Variants in LIPA observed in about 807,000 individuals in gnomAD.
LIPA encodes the protein lipase A, lysosomal acid type.
LIPA carries 26 observed loss-of-function variants against 40.6 expected under a neutral mutation model. The ratio of observed to expected loss-of-function variants is 0.64; its 90% CI spans 0.47 to 0.89. The LOEUF (loss-of-function observed/expected upper bound fraction) is 0.89, where lower values mean the gene tolerates loss of function less well. Ranked by LOEUF, LIPA falls within the 40% of genes least tolerant of loss-of-function variation. The pLI, the probability that LIPA is intolerant of heterozygous loss-of-function variation, is 0.00. For missense variants in LIPA, 455 were observed against 479.6 expected (o/e 0.95, Z 0.48); for synonymous variants, 188 against 168.4 (o/e 1.12, Z -0.90).
At chr10:89,228,664 T>C (rs762563082) in intron 3 of LIPA, among the ~76,000 whole-genome samples, 5 of 152,228 alleles carry the variant, frequency 3.3e-5, no homozygotes, top group African/African-American at 7.2e-5. Context: ...CAAAAATCAA[T>C]ATATTTTTAA....
chr10:89,246,080 G>A (rs1843021192), intron 2 of LIPA, among the ~76,000 whole-genome samples: 1 of 152,018 alleles, frequency 6.6e-6, no homozygotes, highest in Non-Finnish European at 1.5e-5. Context: ...GGGCCTCTTT[G>A]TTTCCATCCT....
intron 2 of LIPA, among the ~76,000 whole-genome samples, chr10:89,380,034 C>CAA (rs750085635): frequency 8.8e-5 from 7 of 79,478 alleles, no homozygotes; most frequent in African/African-American, 1.4e-4. Flanking sequence ...GACTCCGTCT[C>CAA]AAAAAAAAAA....
At chr10:89,306,581 C>T (rs201969228) in intron 1 of LIPA, 2 of 1,614,088 alleles carry the variant, frequency 1.2e-6, no homozygotes, top group Admixed American at 1.7e-5. Context: ...TCCTGACAAC[C>T]AGTACCTTAA....
intron 2 of LIPA, among the ~76,000 whole-genome samples, chr10:89,396,980 G>A (rs1844353224): frequency 6.6e-6 from 1 of 152,070 alleles, no homozygotes; most frequent in Non-Finnish European, 1.5e-5. Flanking sequence ...CTCCATACAT[G>A]AGTAATCACA....
chr10:89,398,342 T>TA, intron 2 of LIPA, among the ~76,000 whole-genome samples: 1 of 152,314 alleles, frequency 6.6e-6, no homozygotes, highest in East Asian at 1.9e-4. Context: ...AGGGGAACAA[T>TA]AAATGTTAAT....
chr10:89,274,691 A>G (rs551690748), intron 1 of LIPA, among the ~76,000 whole-genome samples: 151 of 152,266 alleles, frequency 9.9e-4, no homozygotes, highest in African/African-American at 3.4e-3. Flanking sequence ...ATTTTCCCTA[A>G]TCCTTGAACA....
chr10:89,240,397 T>C (rs760735501), intron 3 of LIPA, among the ~76,000 whole-genome samples: 17 of 152,172 alleles, frequency 1.1e-4, no homozygotes, highest in Admixed American at 3.9e-4. Context: ...TAAGCTATGA[T>C]TGTACCACTG....
rs184451505 is a variant in LIPA at position 89,400,644 on chromosome 10, A to C, written c.61+12147T>G. 2.6e-5 allele frequency among the ~76,000 whole-genome samples: 4 copies of C among 152,316 alleles called. No homozygotes were observed. In the East Asian group the frequency reaches 5.8e-4, roughly 22 times the overall value. ...GATTTTGTATCCTGCAATTTTGCTGAATGTATTTGTTAATGTGTAGAATCC... is the reference window on the plus strand; with the variant it reads ...GATTTTGTATCCTGCAATTTTGCTGCATGTATTTGTTAATGTGTAGAATCC... On this transcript the variant is annotated intron_variant, in intron 2 of 8. Coordinates refer to the LIPA transcript ENST00000371837.
At chr10:89,306,832 G>T in intron 1 of LIPA, 1 of 1,614,038 alleles carries the variant, frequency 6.2e-7, no homozygotes, top group South Asian at 1.1e-5. Flanking sequence ...GCTGCTATAG[G>T]GCAAAAGTCT....
At chr10:89,227,733 G>A (rs1407109051) in intron 4 of LIPA, among the ~76,000 whole-genome samples, 1 of 152,188 alleles carries the variant, frequency 6.6e-6, no homozygotes, top group Non-Finnish European at 1.5e-5. Context: ...GACCTTATGA[G>A]GTAGGTGTTT....
intron 2 of LIPA, among the ~76,000 whole-genome samples, chr10:89,395,838 A>G (rs1217676262): frequency 6.6e-6 from 1 of 152,114 alleles, no homozygotes; most frequent in Admixed American, 6.5e-5. Flanking sequence ...AAAATACAAC[A>G]GTGACCTTTT....
At chr10:89,407,050 C>T (rs1161928264) in intron 2 of LIPA, among the ~76,000 whole-genome samples, 2 of 152,112 alleles carry the variant, frequency 1.3e-5, no homozygotes, top group African/African-American at 4.8e-5. Flanking sequence ...TAACAACCCC[C>T]AACTCTTTGG....
chr10:89,221,831 T>G (rs1024100912), intron 8 of LIPA, among the ~76,000 whole-genome samples: 10 of 152,242 alleles, frequency 6.6e-5, no homozygotes, highest in African/African-American at 2.2e-4. Context: ...AGGTATAGAA[T>G]AGAATGCAGA....
intron 2 of LIPA, chr10:89,392,644 A>T: frequency 6.4e-7 from 1 of 1,566,658 alleles, no homozygotes; most frequent in Non-Finnish European, 8.8e-7. Flanking sequence ...CACAAGACAG[A>T]ATAGCCAGAT....
At chr10:89,384,633 C>A in intron 2 of LIPA, 1 of 1,614,184 alleles carries the variant, frequency 6.2e-7, no homozygotes, top group Non-Finnish European at 8.5e-7. Flanking sequence ...TGGAAAGTGT[C>A]AGCCTCCTTG....
At chr10:89,234,057 T>C (rs114211277) in intron 3 of LIPA, among the ~76,000 whole-genome samples, 1 of 152,116 alleles carries the variant, frequency 6.6e-6, no homozygotes, top group Non-Finnish European at 1.5e-5. Flanking sequence ...ACTCAGGAAG[T>C]CCCAGAAGAA....
intron 1 of LIPA, chr10:89,283,885 C>G (rs1371629250): frequency 6.6e-6 from 1 of 152,204 alleles, no homozygotes; most frequent in African/African-American, 2.4e-5. Flanking sequence ...CAGCCTGCGA[C>G]CATGAGGTAA....
At chr10:89,297,189 T>C (rs1589592563) in intron 1 of LIPA, among the ~76,000 whole-genome samples, 1 of 152,040 alleles carries the variant, frequency 6.6e-6, no homozygotes, top group African/African-American at 2.4e-5. Context: ...CAGGGAAAGG[T>C]CAAATGAGAG....
At chr10:89,295,473 T>C (rs918063765) in intron 1 of LIPA, among the ~76,000 whole-genome samples, 7 of 152,222 alleles carry the variant, frequency 4.6e-5, no homozygotes, top group African/African-American at 1.7e-4. Context: ...TTAGCATCCA[T>C]TATAATTATC....
Sources: gnomAD v4.1 joint callset for allele counts (sites outside exome capture counted in the v4.1 genomes callset) on GRCh38, gnomAD v4.1.1 for gene constraint, MANE v1.5 for transcripts, NCBI Gene and HGNC (gene_info 2026-07-23, HGNC 2026-07-21) for gene names.